Variants in ZNF423 observed in about 807,000 individuals in gnomAD.
ZNF423 encodes zinc finger protein 423.
In ZNF423, 12 loss-of-function variants were observed where a neutral mutation model predicts 95.8. The ratio of observed to expected loss-of-function variants is 0.13; its 90% CI spans 0.08 to 0.20. ZNF423 has a LOEUF of 0.20. ZNF423 is among the 10% of genes least tolerant of loss of function. ZNF423 has a pLI of 1.00. For missense variants in ZNF423, 1,316 were observed against 1,737.1 expected (o/e 0.76, Z 4.31); for synonymous variants, 749 against 711.9 (o/e 1.05, Z -0.83).
chr16:49,742,418 C>G (rs1198998512), intron 2 of ZNF423, among the ~76,000 whole-genome samples: 2 of 152,082 alleles, frequency 1.3e-5, no homozygotes, highest in East Asian at 3.9e-4. Flanking sequence ...TTTATTTTTC[C>G]AGCAAGTAGT....
chr16:49,846,299 C>CAAAAAAAAAA (rs11338195), intron 1 of ZNF423, among the ~76,000 whole-genome samples: 1 of 76,364 alleles, frequency 1.3e-5, no homozygotes, highest in Non-Finnish European at 2.5e-5. Flanking sequence ...GACTCTGTCT[C>CAAAAAAAAAA]AAAAAAAAAA....
At chr16:49,529,594 T>A (rs747971563) in intron 5 of ZNF423, among the ~76,000 whole-genome samples, 8 of 152,110 alleles carry the variant, frequency 5.3e-5, no homozygotes, top group Non-Finnish European at 1.0e-4. Flanking sequence ...ATGTCCCTGG[T>A]ACCGACTTTT....
chr16:49,709,752 C>T (rs2032485296), intron 3 of ZNF423, among the ~76,000 whole-genome samples: 1 of 152,114 alleles, frequency 6.6e-6, no homozygotes, highest in Admixed American at 6.6e-5. Context: ...CTTATTAGTC[C>T]CTTTTTGCCC....
chr16:49,697,830 T>G (rs1197877889), intron 3 of ZNF423, among the ~76,000 whole-genome samples: 1 of 152,268 alleles, frequency 6.6e-6, no homozygotes, highest in Non-Finnish European at 1.5e-5. Flanking sequence ...GCAGGCGGCA[T>G]GAGCCCGCGG....
At chr16:49,565,201 T>C (rs1392083356) in intron 5 of ZNF423, among the ~76,000 whole-genome samples, 1 of 152,148 alleles carries the variant, frequency 6.6e-6, no homozygotes, top group African/African-American at 2.4e-5. Context: ...TTGTAACCCT[T>C]TTCAGTGCAA....
chr16:49,753,394 G>T (rs1567327501), intron 2 of ZNF423, among the ~76,000 whole-genome samples: 1 of 149,272 alleles, frequency 6.7e-6, no homozygotes, highest in Non-Finnish European at 1.5e-5. Context: ...TTGAGCCCAG[G>T]AGTTTAAGAC....
intron 3 of ZNF423, among the ~76,000 whole-genome samples, chr16:49,659,762 A>G (rs537395945): frequency 6.6e-6 from 1 of 152,330 alleles, no homozygotes; most frequent in East Asian, 1.9e-4. Context: ...CCCTCCTCAT[A>G]GAGGGGTCTG....
intron 1 of ZNF423, among the ~76,000 whole-genome samples, chr16:49,852,382 C>T (rs1395557615): frequency 6.6e-6 from 1 of 152,162 alleles, no homozygotes; most frequent in Non-Finnish European, 1.5e-5. Flanking sequence ...AAAGATGTAT[C>T]AATTTTCTCT....
Position 49,835,481 on chromosome 16 carries a change from G to A in ZNF423, c.40+20254C>T, listed in dbSNP as rs550482610. Among the ~76,000 whole-genome samples the A allele has an allele frequency of 2.0e-4, 31 of 152,316 alleles. No individual in the cohort carries two copies. In the East Asian group the frequency reaches 4.0e-3, roughly 20 times the overall value. ...AGGAAGGCAGGAAATGGCAAACAGC[G>A]ACGCCCCCTAGCCAGGAAGGGAAGC... is the stretch of plus-strand genomic sequence containing the variant. On this transcript the variant is annotated intron_variant, in intron 1 of 7. Coordinates refer to ENST00000563137, the MANE Select transcript of ZNF423 (RefSeq NM_001379286.1).
At chr16:49,542,641 C>T (rs764609426) in intron 5 of ZNF423, among the ~76,000 whole-genome samples, 8 of 152,218 alleles carry the variant, frequency 5.3e-5, no homozygotes, top group Non-Finnish European at 7.3e-5. Context: ...GAGGCTGCCA[C>T]GTGATGGCTC....
chr16:49,628,017 T>C (rs1972360673), intron 4 of ZNF423, among the ~76,000 whole-genome samples: 1 of 144,966 alleles, frequency 6.9e-6, no homozygotes, highest in African/African-American at 2.6e-5. Context: ...TCCATCTACA[T>C]ACATACCCAC....
chr16:49,746,934 G>A (rs567243457), intron 2 of ZNF423, among the ~76,000 whole-genome samples: 15 of 152,260 alleles, frequency 9.9e-5, no homozygotes, highest in African/African-American at 2.9e-4. Context: ...CCTGACCTCC[G>A]AGCTCGGCCC....
chr16:49,851,532 C>A (rs1019076613), intron 1 of ZNF423, among the ~76,000 whole-genome samples: 2 of 152,220 alleles, frequency 1.3e-5, no homozygotes, highest in African/African-American at 4.8e-5. Context: ...CAGCTAGGAA[C>A]GCTGTACTCA....
intron 7 of ZNF423, among the ~76,000 whole-genome samples, chr16:49,512,852 T>G (rs576233290): frequency 6.6e-6 from 1 of 152,140 alleles, no homozygotes; most frequent in Non-Finnish European, 1.5e-5. Context: ...TCCCAGCACT[T>G]TGAGAGGCCG....
chr16:49,771,802 T>G (rs1409113014), intron 2 of ZNF423, among the ~76,000 whole-genome samples: 1 of 152,086 alleles, frequency 6.6e-6, no homozygotes, highest in Non-Finnish European at 1.5e-5. Context: ...AATTACCCAG[T>G]CTTGGGTATT....
chr16:49,523,168 G>A (rs1052698116), intron 7 of ZNF423, among the ~76,000 whole-genome samples: 9 of 152,090 alleles, frequency 5.9e-5, no homozygotes, highest in East Asian at 1.9e-4. Flanking sequence ...TGGGGCAATC[G>A]GGCACCACTA....
chr16:49,646,830 C>A (rs1397531322), intron 3 of ZNF423, among the ~76,000 whole-genome samples: 1 of 152,138 alleles, frequency 6.6e-6, no homozygotes, highest in Non-Finnish European at 1.5e-5. Context: ...CCTTGGCCTC[C>A]CAAAGTGCTG....
At chr16:49,642,536 T>C (rs981821219) in intron 3 of ZNF423, among the ~76,000 whole-genome samples, 4 of 152,196 alleles carry the variant, frequency 2.6e-5, no homozygotes, top group African/African-American at 9.6e-5. Context: ...TGAATTGAAA[T>C]GAAAATAAGG....
intron 5 of ZNF423, among the ~76,000 whole-genome samples, chr16:49,571,680 C>T (rs1417003832): frequency 6.6e-6 from 1 of 152,114 alleles, no homozygotes; most frequent in African/African-American, 2.4e-5. Flanking sequence ...CCATAGAGAA[C>T]AGATGAGTGG....
Sources: allele counts gnomAD v4.1 joint callset (sites outside exome capture counted in the v4.1 genomes callset), GRCh38; gene constraint gnomAD v4.1.1; transcripts MANE v1.5; gene names NCBI Gene and HGNC (gene_info 2026-07-23, HGNC 2026-07-21).